The following SYTL2 variants were observed in gnomAD, a reference collection of about 807,000 sequenced individuals.
SYTL2 encodes the protein synaptotagmin like 2, also known as synaptotagmin-like protein 2.
A neutral mutation model predicts 198.7 loss-of-function variants in SYTL2; 165 were observed. That is an observed-to-expected ratio of 0.83 (90% CI 0.73 to 0.94). The LOEUF is 0.94. Among genes scored for constraint, SYTL2 ranks in the 40% least tolerant of loss-of-function variants. SYTL2 has a pLI of 0.00. For synonymous variants in SYTL2, 966 were observed against 917.7 expected (o/e 1.05, Z -0.95); for missense variants, 2,835 against 2,582.8 (o/e 1.10, Z -2.12).
At chr11:85,849,602 T>A in the SYTL2 span, among the ~76,000 whole-genome samples, 1 of 151,196 alleles carries the variant, frequency 6.6e-6, no homozygotes, top group East Asian at 1.9e-4. Context: ...GTTGTAGATA[T>A]GCGGCGTTAT....
intron 1 of SYTL2, among the ~76,000 whole-genome samples, chr11:85,803,209 A>C (rs2092914987): frequency 6.6e-6 from 1 of 152,248 alleles, no homozygotes; most frequent in Non-Finnish European, 1.5e-5. Flanking sequence ...TAAAACTGTA[A>C]AAATGTGTCA....
chr11:85,834,416 T>C, the SYTL2 span, among the ~76,000 whole-genome samples: 1 of 152,174 alleles, frequency 6.6e-6, no homozygotes, highest in Non-Finnish European at 1.5e-5. Flanking sequence ...TGCAGCTTGT[T>C]TCTTGCTTAG....
chr11:85,773,838 T>G (rs1566010778), intron 1 of SYTL2, among the ~76,000 whole-genome samples: 1 of 152,230 alleles, frequency 6.6e-6, no homozygotes, highest in South Asian at 2.1e-4. Flanking sequence ...AGATTTATAA[T>G]GTAATCTTTG....
chr11:85,718,949 A>C (rs1216236256), intron 9 of SYTL2, 106 bp from the exon 10 acceptor site: 2 of 1,549,162 alleles, frequency 1.3e-6, no homozygotes, highest in Admixed American at 1.9e-5. Flanking sequence ...ATTAGTCAAG[A>C]TGCAATGAGG....
intron 16 of SYTL2, among the ~76,000 whole-genome samples, chr11:85,703,673 A>T (rs1450444517): frequency 6.6e-6 from 1 of 152,220 alleles, no homozygotes; most frequent in Non-Finnish European, 1.5e-5. Flanking sequence ...AAGGATAAAG[A>T]GCAAGGGAAA....
chr11:85,780,956 T>C (rs1215984621), intron 1 of SYTL2, among the ~76,000 whole-genome samples: 3 of 152,216 alleles, frequency 2.0e-5, no homozygotes, highest in South Asian at 2.1e-4. Context: ...CAGCTGGTGT[T>C]TGCTGTAGAA....
the SYTL2 span, among the ~76,000 whole-genome samples, chr11:85,816,381 T>C: frequency 6.6e-6 from 1 of 152,142 alleles, no homozygotes; most frequent in African/African-American, 2.4e-5. Context: ...AAAACAAATA[T>C]TACTTCAAAA....
intron 1 of SYTL2, among the ~76,000 whole-genome samples, chr11:85,791,960 C>T (rs1051432307): frequency 6.6e-6 from 1 of 152,076 alleles, no homozygotes; most frequent in Non-Finnish European, 1.5e-5. Flanking sequence ...GGATTAATAA[C>T]CTTGATGAGC....
At chr11:85,736,681 T>G in intron 5 of SYTL2, 66 bp from the exon 6 acceptor site, 2 of 824,312 alleles carry the variant, frequency 2.4e-6, no homozygotes, top group Admixed American at 4.5e-5. Flanking sequence ...TGTTGGCAAA[T>G]GCCTATTATC....
chr11:85,696,161 T>C, intron 19 of SYTL2, 22 bp downstream of exon 19: 1 of 1,611,528 alleles, frequency 6.2e-7, no homozygotes. Flanking sequence ...TCATGGAGAA[T>C]TAAAAATGTA....
intron 2 of SYTL2, among the ~76,000 whole-genome samples, chr11:85,754,701 G>GCC (rs2091753752): frequency 6.6e-6 from 1 of 152,064 alleles, no homozygotes; most frequent in Non-Finnish European, 1.5e-5. Flanking sequence ...TTATGATCAT[G>GCC]CCCACTCTGA....
In SYTL2 at chr11:85,745,678, A is replaced by G; in HGVS notation, c.348T>C (p.Val116=). The G allele has an allele frequency of 5.0e-6, 8 of 1,613,834 alleles. No homozygotes were observed. The highest frequency in any genetic ancestry group is 6.8e-6 in the Non-Finnish European group (8 of 1,179,766). ...DAFLPPELAG[V]VEEPEEDAAP... ...CTGCATCTTCTTCTGGCTCTTCTAC[A>G]ACGCCAGCCAGCTCTGGAGGAAGGA... is the stretch of plus-strand genomic sequence containing the variant. Residue 116 remains valine, a synonymous_variant, in exon 4 of 20, where the codon GTT becomes GTC. Transcript: ENST00000359152.
At chr11:85,760,211 C>T (rs545886175) in intron 1 of SYTL2, among the ~76,000 whole-genome samples, 1 of 152,306 alleles carries the variant, frequency 6.6e-6, no homozygotes, top group South Asian at 2.1e-4. Flanking sequence ...AGACCTGAAC[C>T]TGACCTCCCT....
intron 1 of SYTL2, among the ~76,000 whole-genome samples, chr11:85,787,723 T>C (rs2092660765): frequency 6.7e-6 from 1 of 148,690 alleles, no homozygotes. Flanking sequence ...TTTTTTTGTA[T>C]TTTTATGGTA....
chr11:85,813,366 AAAG>A (rs1165641680), upstream of SYTL2, among the ~76,000 whole-genome samples: 2 of 152,212 alleles, frequency 1.3e-5, no homozygotes, highest in Non-Finnish European at 2.9e-5. Flanking sequence ...GTGAAGATTA[AAAG>A]AAGATGCACA....
Position 85,696,373 on chromosome 11 carries a change from A to T in SYTL2, c.6384T>A (p.Asp2128Glu), listed in dbSNP as rs751697510. ...TCTTCTGGCGACTTTTCCTACTTGT[A>T]TCTGGAAGGATGGTACTACAAAAAG... ...NSFVKCTILP[D>E]TSRKSRQKTR... The change falls in exon 19 of 20, where the codon GAT (aspartate) becomes GAA (glutamate). Residue 2128 changes from aspartate to glutamate, a missense_variant. Transcript: ENST00000359152. The T allele has an allele frequency of 1.9e-6, 3 of 1,613,854 alleles. No individual in the cohort carries two copies. Among genetic ancestry groups the T allele is most frequent in the Middle Eastern group, 1.7e-4 (1 of 6,056 alleles).
In SYTL2 at chr11:85,707,534, G is replaced by GA. The variant is rs1433254646; in HGVS notation, c.5916-4dup. 1.9e-6 allele frequency: 3 copies of GA among 1,566,306 alleles called. No homozygotes were observed. The highest frequency in any genetic ancestry group is 1.7e-6 in the Non-Finnish European group (2 of 1,148,306). ...GTAGCAAATAGGCCTTTACATATCTGAAAAGGAGAATTGAACAGACAAAGT... is the reference window on the plus strand; with the variant it reads ...GTAGCAAATAGGCCTTTACATATCTGAAAAAGGAGAATTGAACAGACAAAGT... On this transcript the variant is annotated splice_region_variant and splice_polypyrimidine_tract_variant and intron_variant, in intron 14 of 19. Coordinates refer to ENST00000359152, the MANE Select transcript of SYTL2 (RefSeq NM_206927.4).
rs1409649535 is a variant in SYTL2, at chr11:85,748,433, G to C, written c.102-10C>G. 1.2e-6 allele frequency: 2 copies of C among 1,613,268 alleles called. No individual in the cohort carries two copies. The highest frequency in any genetic ancestry group is 4.5e-5 in the East Asian group (2 of 44,862). On this transcript the variant is annotated splice_polypyrimidine_tract_variant and intron_variant, in intron 2 of 19. Coordinates refer to ENST00000359152, the MANE Select transcript of SYTL2 (RefSeq NM_206927.4). ...TTTTTCAGGCAAATGTCTACAAAAG[G>C]AAAAGATCTTTAGTTTGCTGAGAAC...
In SYTL2 at chr11:85,720,807, C is replaced by T. The variant is rs184911442; in HGVS notation, c.5428+51G>A. The T allele has an allele frequency of 5.9e-5, 76 of 1,283,522 alleles. No homozygotes were observed. The East Asian group carries it at 1.7e-3, about 29-fold the overall frequency. 79.5% of individuals were successfully genotyped at this position (1,283,522 alleles called of 1,614,324 possible). A position where few individuals can be genotyped will look rare whatever the true frequency, so the allele number is the denominator to read the frequency against. ...GTGAGGCTACAGGAGAGCACATAGG[C>T]ATTTTTAAGCTTAGATGGGGCATGA... On this transcript the variant is annotated intron_variant, in intron 9 of 19. Coordinates refer to ENST00000359152, the MANE Select transcript of SYTL2 (RefSeq NM_206927.4).
Sources: allele counts gnomAD v4.1 joint callset (sites outside exome capture counted in the v4.1 genomes callset), GRCh38; gene constraint gnomAD v4.1.1; transcripts MANE v1.5; gene names NCBI Gene and HGNC (gene_info 2026-07-23, HGNC 2026-07-21).